Variants in SEMA3A observed in about 807,000 individuals in gnomAD.
SEMA3A encodes semaphorin-3A.
Under a neutral mutation model 97.9 loss-of-function variants are expected in SEMA3A, and 29 were observed. That is an observed-to-expected ratio of 0.30 (90% CI 0.22 to 0.40). The LOEUF is 0.40. SEMA3A is among the 10% of genes least tolerant of loss of function. SEMA3A has a pLI of 1.00. For missense variants in SEMA3A, 763 were observed against 951.3 expected (o/e 0.80, Z 2.60); for synonymous variants, 321 against 323.7 (o/e 0.99, Z 0.09).
At chr7:84,307,910 A>T (rs552638061) in intron 2 of SEMA3A, among the ~76,000 whole-genome samples, 181 of 152,300 alleles carry the variant, frequency 1.2e-3, no homozygotes, top group South Asian at 2.9e-3. Context: ...TTAATTGTAC[A>T]CATTTCATAG....
intron 1 of SEMA3A, among the ~76,000 whole-genome samples, chr7:84,404,648 G>C (rs913347090): frequency 2.0e-5 from 3 of 152,144 alleles, no homozygotes; most frequent in African/African-American, 7.2e-5. Flanking sequence ...CAGAGAGAAA[G>C]GTCGGGTTAC....
At position 84,285,689 on chromosome 7, in the gene SEMA3A, C is replaced by T. The variant is rs541947544; in HGVS notation, c.-83+21518G>A. On this transcript the variant is annotated intron_variant, in intron 3 of 3. Transcript: ENST00000424555. ...TGGCAAGGCATGGTGGCTCATGCCT[C>T]TATTCCCAGCACTTTGGAAGACCTA... Among the ~76,000 whole-genome samples the T allele has an allele frequency of 1.1e-4, 17 of 152,152 alleles. No individual in the cohort carries two copies. The South Asian group carries it at 3.3e-3, about 30-fold the overall frequency.
chr7:84,020,102 C>T (rs1275863656), intron 6 of SEMA3A, among the ~76,000 whole-genome samples: 1 of 117,194 alleles, frequency 8.5e-6, no homozygotes, highest in Non-Finnish European at 1.6e-5. Flanking sequence ...CTGGAGTGCA[C>T]TGGCATGATC....
intron 1 of SEMA3A, among the ~76,000 whole-genome samples, chr7:84,396,281 A>G (rs1408345392): frequency 6.6e-6 from 1 of 151,888 alleles, no homozygotes; most frequent in Non-Finnish European, 1.5e-5. Flanking sequence ...AAAGATCAAG[A>G]AATCAGCAAC....
intron 1 of SEMA3A, among the ~76,000 whole-genome samples, chr7:84,376,168 T>A (rs1803091955): frequency 6.6e-6 from 1 of 152,180 alleles, no homozygotes; most frequent in South Asian, 2.1e-4. Flanking sequence ...GATGCAGACA[T>A]CTTTTTGACA....
intron 4 of SEMA3A, among the ~76,000 whole-genome samples, chr7:84,085,230 T>C (rs773892040): frequency 4.4e-5 from 4 of 90,998 alleles, no homozygotes; most frequent in African/African-American, 1.0e-4. Flanking sequence ...GGATGCTTCA[T>C]TTGGAATGAG....
At chr7:84,443,395 T>C (rs1805320963) in intron 1 of SEMA3A, among the ~76,000 whole-genome samples, 1 of 152,220 alleles carries the variant, frequency 6.6e-6, no homozygotes, top group African/African-American at 2.4e-5. Flanking sequence ...TTAGCCATTT[T>C]GTCCATTCCT....
At chr7:84,166,138 T>C (rs1448245796) in intron 1 of SEMA3A, among the ~76,000 whole-genome samples, 3 of 151,866 alleles carry the variant, frequency 2.0e-5, no homozygotes, top group Non-Finnish European at 4.4e-5. Flanking sequence ...TAGCTGGGTA[T>C]GGTGGCGAAC....
In SEMA3A at chr7:83,999,445, A is replaced by T. The variant is rs551489812; in HGVS notation, c.1452+2510T>A. 2.2e-4 allele frequency among the ~76,000 whole-genome samples: 34 copies of T among 152,220 alleles called. 1 individual carries two copies. In the East Asian group the frequency reaches 4.1e-3, roughly 18 times the overall value. ...TATCAGAAAATAATTAAATAATAAAAACCTTATTTTTACAATGTCGTGATA... is the reference window on the plus strand; with the variant it reads ...TATCAGAAAATAATTAAATAATAAATACCTTATTTTTACAATGTCGTGATA... On this transcript the variant is annotated intron_variant, in intron 12 of 16. Transcript: ENST00000265362.
At chr7:84,046,590 A>AT (rs1792363012) in intron 5 of SEMA3A, 147 bp from the exon 6 acceptor site, 2 of 823,870 alleles carry the variant, frequency 2.4e-6, no homozygotes, top group Admixed American at 2.5e-5. Flanking sequence ...GCAGTTACTT[A>AT]TTTTTTATCC....
At chr7:84,112,819 A>T (rs531300962) in intron 3 of SEMA3A, among the ~76,000 whole-genome samples, 1 of 152,354 alleles carries the variant, frequency 6.6e-6, no homozygotes, top group African/African-American at 2.4e-5. Flanking sequence ...AACCACTATA[A>T]TATGACAACA....
At chr7:84,385,056 A>G (rs1462695934) in intron 1 of SEMA3A, among the ~76,000 whole-genome samples, 3 of 139,754 alleles carry the variant, frequency 2.1e-5, no homozygotes, top group Non-Finnish European at 4.6e-5. Context: ...TGAAGGGAAC[A>G]TCCACAAAAC....
At chr7:84,276,598 C>T (rs1346395063) in intron 3 of SEMA3A, among the ~76,000 whole-genome samples, 2 of 152,002 alleles carry the variant, frequency 1.3e-5, no homozygotes, top group South Asian at 2.1e-4. Context: ...TCAAATAGCA[C>T]TGATTATTTT....
chr7:83,992,216 T>C (rs1789981745), intron 12 of SEMA3A, among the ~76,000 whole-genome samples: 1 of 151,642 alleles, frequency 6.6e-6, no homozygotes, highest in Non-Finnish European at 1.5e-5. Flanking sequence ...TCTTTTTTTC[T>C]TTATTAGTCT....
intron 9 of SEMA3A, among the ~76,000 whole-genome samples, chr7:84,008,746 G>T (rs895252099): frequency 1.3e-5 from 2 of 152,084 alleles, no homozygotes; most frequent in Non-Finnish European, 2.9e-5. Context: ...AGTTTCATGA[G>T]GGAAGAGACC....
In SEMA3A at chr7:83,961,117, G is replaced by A. The variant is rs184357671; in HGVS notation, c.*254C>T. 233 of 487,874 alleles carry A rather than the reference G, an allele frequency of 4.8e-4. 2 individuals are homozygous for A. In the East Asian group the frequency reaches 6.7e-3, roughly 14 times the overall value. 30.2% of individuals were successfully genotyped at this position (487,874 alleles called of 1,614,324 possible). On this transcript the variant is annotated 3_prime_UTR_variant, in exon 17 of 17. Transcript: ENST00000265362. ...CAAACCTGTACAGTGAAATCTCATA[G>A]GAAACATTAAGTCTGCTAAAGTGAA...
At chr7:83,977,040 G>GAA (rs1489620454) in intron 15 of SEMA3A, 92 bp downstream of exon 15, 1 of 639,672 alleles carries the variant, frequency 1.6e-6, no homozygotes, top group Non-Finnish European at 2.6e-6. Flanking sequence ...AGTATTCTGA[G>GAA]AGATGCATAC....
chr7:84,336,291 T>C (rs1468171857), intron 2 of SEMA3A, among the ~76,000 whole-genome samples: 1 of 152,142 alleles, frequency 6.6e-6, no homozygotes, highest in Admixed American at 6.6e-5. Context: ...GATCCTTTTC[T>C]AAACAGAAGA....
intron 2 of SEMA3A, among the ~76,000 whole-genome samples, chr7:84,330,926 C>T (rs1395746078): frequency 2.0e-5 from 3 of 151,908 alleles, no homozygotes; most frequent in Non-Finnish European, 4.4e-5. Context: ...GGGTGGCTAG[C>T]CAAGGCATTC....
Sources: allele counts gnomAD v4.1 joint callset (sites outside exome capture counted in the v4.1 genomes callset), GRCh38; gene constraint gnomAD v4.1.1; transcripts MANE v1.5; gene names NCBI Gene and HGNC (gene_info 2026-07-23, HGNC 2026-07-21).